NAV1: variants seen among roughly 807,000 people sequenced by gnomAD.
The protein encoded by NAV1 is pore membrane and/or filament interacting like protein 3.
Under a neutral mutation model 175.2 loss-of-function variants are expected in NAV1, and 18 were observed. That is an observed-to-expected ratio of 0.10 (90% CI 0.07 to 0.15). NAV1 has a LOEUF of 0.15. Among genes scored for constraint, NAV1 ranks in the 10% least tolerant of loss-of-function variants. The pLI, the probability that NAV1 is intolerant of heterozygous loss-of-function variation, is 1.00. For synonymous variants in NAV1, 897 were observed against 978.7 expected, an observed-to-expected ratio of 0.92 and a Z score of 1.56; for missense variants, 1,731 against 2,436.6, an observed-to-expected ratio of 0.71 and a Z score of 6.10.
intron 2 of NAV1, among the ~76,000 whole-genome samples, chr1:201,634,497 G>A (rs1047755067): frequency 2.6e-5 from 4 of 152,164 alleles, no homozygotes; most frequent in African/African-American, 9.7e-5. Flanking sequence ...GGGAGGCCAG[G>A]AGAGGCAGTG....
At chr1:201,580,646 G>A (rs756987599) in intron 1 of NAV1, among the ~76,000 whole-genome samples, 11 of 152,122 alleles carry the variant, frequency 7.2e-5, no homozygotes, top group Non-Finnish European at 1.5e-4. Flanking sequence ...GGTGGCGCAC[G>A]CCTGTAATCC....
chr1:201,763,262 A>G (rs1674972346), intron 3 of NAV1, among the ~76,000 whole-genome samples: 1 of 152,208 alleles, frequency 6.6e-6, no homozygotes, highest in Non-Finnish European at 1.5e-5. Context: ...CAAGTACACT[A>G]ACTCAACTGT....
In NAV1 at chr1:201,629,522, G is replaced by A. The variant is rs1285861401; in HGVS notation, c.4+15G>A. The A allele has an allele frequency of 1.5e-6, 2 of 1,299,982 alleles. No homozygotes were observed. The allele number at this position is 1,299,982 out of a possible 1,614,324, so 80.5% of individuals were successfully genotyped here. A position where few individuals can be genotyped will look rare whatever the true frequency, so the allele number is the denominator to read the frequency against. On this transcript the variant is annotated intron_variant, in intron 2 of 29. Coordinates refer to the NAV1 transcript ENST00000367302. ...CTCCTGCATGGGTAAGTGATCTGGG[G>A]GAGACTTCCTCCTAGGGTCGGGAGG...
chr1:201,662,607 C>T lies in NAV1; in HGVS notation c.757+13182C>T, dbSNP rs561496872. ...CTTACTCCTCATCTGTAGAATGGGGCTTGTACCCACAGCAGGGGGGGTAAT... is the reference window on the plus strand; with the variant it reads ...CTTACTCCTCATCTGTAGAATGGGGTTTGTACCCACAGCAGGGGGGGTAAT... On this transcript the variant is annotated intron_variant, in intron 1 of 29. Coordinates refer to ENST00000367296, the Ensembl canonical transcript of NAV1. 1.3e-4 allele frequency among the ~76,000 whole-genome samples: 20 copies of T among 152,318 alleles called. No individual in the cohort carries two copies. In the South Asian group the frequency reaches 4.1e-3, roughly 32 times the overall value.
chr1:201,616,793 GTC>G (rs1019086956), intron 2 of NAV1, among the ~76,000 whole-genome samples: 2 of 152,084 alleles, frequency 1.3e-5, no homozygotes, highest in African/African-American at 4.8e-5. Flanking sequence ...GGCCTGTTTT[GTC>G]TCTCTTGATG....
intron 1 of NAV1, among the ~76,000 whole-genome samples, chr1:201,552,501 G>GC (rs112853803): frequency 0.53 from 80,541 of 151,738 alleles, 21,500 homozygotes; most frequent in East Asian, 0.64. Context: ...CTGACATTGG[G>GC]CTCTGACGCA....
chr1:201,733,152 G>A (rs1264247865), intron 3 of NAV1, among the ~76,000 whole-genome samples: 3 of 151,858 alleles, frequency 2.0e-5, no homozygotes, highest in East Asian at 1.9e-4. Flanking sequence ...AGGCCAAGGC[G>A]GGCGGATCAT....
At chr1:201,800,986 A>C (rs1677831243) in intron 15 of NAV1, among the ~76,000 whole-genome samples, 1 of 151,920 alleles carries the variant, frequency 6.6e-6, no homozygotes, top group Admixed American at 6.5e-5. Flanking sequence ...GTGCCACCAC[A>C]CTCAGCTAAT....
intron 1 of NAV1, among the ~76,000 whole-genome samples, chr1:201,663,381 T>C (rs1017609416): frequency 1.3e-5 from 2 of 152,240 alleles, no homozygotes; most frequent in African/African-American, 4.8e-5. Context: ...ATCCTTAGCC[T>C]GGGCCTGGCT....
chr1:201,546,117 G>C (rs563559504), intron 1 of NAV1, among the ~76,000 whole-genome samples: 24 of 152,184 alleles, frequency 1.6e-4, no homozygotes, highest in Non-Finnish European at 3.4e-4. Context: ...CCCCAGCCAG[G>C]ACCCATACGA....
At chr1:201,806,251 C>G (rs1281333767) in intron 17 of NAV1, among the ~76,000 whole-genome samples, 3 of 152,214 alleles carry the variant, frequency 2.0e-5, no homozygotes, top group Admixed American at 6.5e-5. Context: ...TCCAAAAGTG[C>G]AGGAATTACA....
exon 30 of NAV1, chr1:201,819,992 C>T: frequency 7.0e-7 from 1 of 1,437,010 alleles, no homozygotes; most frequent in Non-Finnish European, 9.8e-7. Flanking sequence ...TATCTTAGCT[C>T]CTCCTCTCCC....
rs966715847 is a variant in NAV1 at position 201,718,853 on chromosome 1, G to T, written c.1226+98G>T. ...GGAGTGGAACCCAAAACGGGTTTTG[G>T]TTTGCTGTGCTGCTATGAAAGTACA... On this transcript the variant is annotated intron_variant, in intron 3 of 29. Coordinates refer to ENST00000367296, the Ensembl canonical transcript of NAV1. The surrounding 1 kb of genome is among the most constrained non-coding windows in gnomAD (Gnocchi z 4.8). 11 of 1,461,150 alleles carry T rather than the reference G, an allele frequency of 7.5e-6. No individual in the cohort carries two copies. Among genetic ancestry groups the T allele is most frequent in the Non-Finnish European group, 9.3e-6 (10 of 1,075,058 alleles). The allele number at this position is 1,461,150 out of a possible 1,614,324, so 90.5% of individuals were successfully genotyped here. A position where few individuals can be genotyped will look rare whatever the true frequency, so the allele number is the denominator to read the frequency against.
intron 3 of NAV1, among the ~76,000 whole-genome samples, chr1:201,766,252 G>T (rs186968050): frequency 6.6e-6 from 1 of 152,054 alleles, no homozygotes; most frequent in Non-Finnish European, 1.5e-5. Flanking sequence ...CTCACTCTGC[G>T]ATTCATCCTT....
chr1:201,702,672 T>TTCCCTCTCTGTC (rs1365276379), intron 1 of NAV1, among the ~76,000 whole-genome samples: 1 of 1,718 alleles, frequency 5.8e-4, no homozygotes, highest in African/African-American at 7.6e-4. Context: ...GGTATGTGAA[T>TTCCCTCTCTGTC]TCTCTCTCTC....
At chr1:201,561,803 C>T (rs915275321) in intron 1 of NAV1, among the ~76,000 whole-genome samples, 1 of 152,152 alleles carries the variant, frequency 6.6e-6, no homozygotes, top group Non-Finnish European at 1.5e-5. Context: ...GTGCCTTGCC[C>T]ATCAGCCTGG....
chr1:201,588,067 G>C (rs1021549745), intron 1 of NAV1, among the ~76,000 whole-genome samples: 57 of 152,148 alleles, frequency 3.7e-4, no homozygotes, highest in African/African-American at 1.4e-3. Flanking sequence ...CCACTTCTAG[G>C]TATGTACTCA....
chr1:201,663,092 C>T (rs1669677261), intron 1 of NAV1, among the ~76,000 whole-genome samples: 1 of 152,204 alleles, frequency 6.6e-6, no homozygotes, highest in African/African-American at 2.4e-5. Flanking sequence ...TAGGGATGCC[C>T]ATGGTTTCAT....
At position 201,714,234 on chromosome 1, in the gene NAV1, C is replaced by T. The variant is rs187581988; in HGVS notation, c.860+1315C>T. Among the ~76,000 whole-genome samples, 19 of 152,294 alleles carry T rather than the reference C, an allele frequency of 1.2e-4. No homozygotes were observed. The Middle Eastern group carries it at 0.01, about 82-fold the overall frequency. On this transcript the variant is annotated intron_variant, in intron 2 of 29. Transcript: ENST00000367296. ...CCAACTCACTACCTTTCAGTCACCC[C>T]GGTGCATTGTGGGATTGCAGCAACT... is the stretch of plus-strand genomic sequence containing the variant.
Sources: gnomAD v4.1 joint callset for allele counts (sites outside exome capture counted in the v4.1 genomes callset) on GRCh38, gnomAD v4.1.1 for gene constraint, Gnocchi (gnomAD v3.1) non-coding constraint, MANE v1.5 for transcripts, NCBI Gene and HGNC (gene_info 2026-07-23, HGNC 2026-07-21) for gene names.